Variants in CHRM2 observed in about 807,000 individuals in gnomAD.
CHRM2 encodes muscarinic acetylcholine receptor M2.
A neutral mutation model predicts 25.0 loss-of-function variants in CHRM2; 8 were observed. The ratio of observed to expected loss-of-function variants is 0.32; its 90% confidence interval spans 0.19 to 0.58. The LOEUF is 0.58. Ranked by LOEUF, CHRM2 falls within the 20% of genes least tolerant of loss-of-function variation. The pLI, the probability that CHRM2 is intolerant of heterozygous loss-of-function variation, is 0.88. For synonymous variants in CHRM2, 202 were observed against 205.7 expected, an observed-to-expected ratio of 0.98 and a Z score of 0.15; for missense variants, 440 against 567.1, an observed-to-expected ratio of 0.78 and a Z score of 2.28.
chr7:136,976,741 G>A (rs1461120216), intron 2 of CHRM2, among the ~76,000 whole-genome samples: 2 of 152,126 alleles, frequency 1.3e-5, no homozygotes, highest in African/African-American at 4.8e-5. Context: ...TTTACTCAGA[G>A]CAAGATGTCT....
At chr7:136,916,210 C>T (rs17411478) in intron 2 of CHRM2, among the ~76,000 whole-genome samples, 33,849 of 151,688 alleles carry the variant, frequency 0.22, 4,924 homozygotes, top group Non-Finnish European at 0.32. Context: ...CAATTAAACG[C>T]AGTCTGATTA....
intron 3 of CHRM2, among the ~76,000 whole-genome samples, chr7:137,013,880 T>C (rs1209914206): frequency 6.6e-6 from 1 of 152,058 alleles, no homozygotes; most frequent in Non-Finnish European, 1.5e-5. Flanking sequence ...AGTGAAAGAA[T>C]GAATGACTGA....
At chr7:136,883,755 T>C (rs1796354854) in intron 2 of CHRM2, among the ~76,000 whole-genome samples, 1 of 151,764 alleles carries the variant, frequency 6.6e-6, no homozygotes. Flanking sequence ...GATCTTACAA[T>C]TTAGTGGTAA....
chr7:136,994,817 G>C (rs1311830149), intron 3 of CHRM2, among the ~76,000 whole-genome samples: 1 of 151,294 alleles, frequency 6.6e-6, no homozygotes, highest in African/African-American at 2.4e-5. Context: ...CTTATGAGTG[G>C]GACTAGATCC....
At chr7:136,922,663 G>C (rs1424069731) in intron 2 of CHRM2, among the ~76,000 whole-genome samples, 1 of 152,078 alleles carries the variant, frequency 6.6e-6, no homozygotes, top group Non-Finnish European at 1.5e-5. Context: ...AATTGGCCTA[G>C]ATAATGGCAA....
chr7:136,952,621 T>C (rs1800483533), intron 2 of CHRM2, among the ~76,000 whole-genome samples: 1 of 152,078 alleles, frequency 6.6e-6, no homozygotes. Context: ...GTTTTTTGCA[T>C]AGATAAACTT....
chr7:136,903,276 CA>C (rs750000804), intron 2 of CHRM2: 1 of 532,950 alleles, frequency 1.9e-6, no homozygotes, highest in Non-Finnish European at 3.9e-6. Flanking sequence ...GAGCTGTTCA[CA>C]AGCAGCGGAC....
chr7:136,938,425 A>G (rs1799547272), intron 2 of CHRM2: 25 of 1,418,032 alleles, frequency 1.8e-5, no homozygotes, highest in Non-Finnish European at 2.5e-5. Flanking sequence ...GAAGGAGGCA[A>G]ACTTCTTGTT....
chr7:136,913,268 A>G (rs1797939785), intron 2 of CHRM2, among the ~76,000 whole-genome samples: 1 of 151,954 alleles, frequency 6.6e-6, no homozygotes, highest in South Asian at 2.1e-4. Flanking sequence ...AAGATTTGAA[A>G]TAAAAATAAA....
chr7:136,929,197 A>G (rs1798916705), intron 2 of CHRM2, among the ~76,000 whole-genome samples: 1 of 151,906 alleles, frequency 6.6e-6, no homozygotes, highest in African/African-American at 2.4e-5. Flanking sequence ...TTAGCCAAAC[A>G]TCTTAACTTT....
intron 2 of CHRM2, among the ~76,000 whole-genome samples, chr7:136,885,276 A>G (rs1375373920): frequency 6.6e-6 from 1 of 152,236 alleles, no homozygotes; most frequent in Non-Finnish European, 1.5e-5. Flanking sequence ...AACCCCAAAG[A>G]TTCCAAAGAG....
chr7:136,876,200 A>T (rs1563038968), intron 2 of CHRM2, among the ~76,000 whole-genome samples: 1 of 152,216 alleles, frequency 6.6e-6, no homozygotes, highest in Non-Finnish European at 1.5e-5. Context: ...TGGAAGGCGA[A>T]GCCATGGGTG....
At chr7:136,898,035 C>T (rs531231217) in intron 2 of CHRM2, among the ~76,000 whole-genome samples, 138 of 152,086 alleles carry the variant, frequency 9.1e-4, no homozygotes, top group Middle Eastern at 3.2e-3. Flanking sequence ...GTAATGGCCA[C>T]ACAGTGATGG....
intron 3 of CHRM2, among the ~76,000 whole-genome samples, chr7:137,001,602 T>C (rs945726099): frequency 1.3e-5 from 2 of 152,104 alleles, no homozygotes; most frequent in Non-Finnish European, 2.9e-5. Flanking sequence ...AGACCTTTCA[T>C]TTAGGGCTAG....
Position 136,990,585 on chromosome 7 carries a change from G to A in CHRM2, c.-124-1602G>A, listed in dbSNP as rs185714751. On this transcript the variant is annotated intron_variant, in intron 2 of 3. Transcript: ENST00000680005. ...TTTTAGCATTATGTAATACTCCATT[G>A]TCTGGATGTACCACAGTTTATTCAT... 4.4e-3 allele frequency among the ~76,000 whole-genome samples: 675 copies of A among 152,154 alleles called. 24 individuals are homozygous for A. Among genetic ancestry groups the A allele is most frequent in the Admixed American group, 0.042 (636 of 15,264 alleles).
At chr7:136,932,687 T>C (rs1799176253) in intron 2 of CHRM2, among the ~76,000 whole-genome samples, 1 of 152,168 alleles carries the variant, frequency 6.6e-6, no homozygotes, top group Admixed American at 6.5e-5. Flanking sequence ...AACAGGATAA[T>C]GCATTTTCTT....
At chr7:136,984,566 T>A (rs899863087) in intron 2 of CHRM2, among the ~76,000 whole-genome samples, 2 of 152,036 alleles carry the variant, frequency 1.3e-5, no homozygotes, top group Non-Finnish European at 2.9e-5. Flanking sequence ...CCAGAGCCCT[T>A]GTGGTGTAGG....
intron 2 of CHRM2, among the ~76,000 whole-genome samples, chr7:136,917,270 G>A (rs927079306): frequency 6.6e-6 from 1 of 150,656 alleles, no homozygotes; most frequent in Non-Finnish European, 1.5e-5. Context: ...TTCCTTAGAT[G>A]TTCAAATATT....
chr7:136,975,911 A>G (rs1802075307), intron 2 of CHRM2, among the ~76,000 whole-genome samples: 1 of 152,282 alleles, frequency 6.6e-6, no homozygotes, highest in South Asian at 2.1e-4. Flanking sequence ...TCTCGTTCAT[A>G]TTTTCAAGGA....
Sources: gnomAD v4.1 joint callset for allele counts (sites outside exome capture counted in the v4.1 genomes callset) on GRCh38, gnomAD v4.1.1 for gene constraint, MANE v1.5 for transcripts, NCBI Gene and HGNC (gene_info 2026-07-23, HGNC 2026-07-21) for gene names.